The following IL1RAPL1 variants were observed in gnomAD, a reference collection of about 807,000 sequenced individuals.
IL1RAPL1 encodes interleukin-1 receptor accessory protein-like 1.
IL1RAPL1 carries 3 observed loss-of-function variants against 48.4 expected under a neutral mutation model. That is an observed-to-expected ratio of 0.06 (90% confidence interval 0.03 to 0.16). The LOEUF is 0.16. Ranked by LOEUF, IL1RAPL1 falls within the 10% of genes least tolerant of loss-of-function variation. IL1RAPL1 has a pLI of 1.00. For missense variants in IL1RAPL1, 349 were observed against 530.6 expected (o/e 0.66, Z 3.36); for synonymous variants, 185 against 187.7 (o/e 0.99, Z 0.12).
intron 6 of IL1RAPL1, among the ~76,000 whole-genome samples, chrX:29,727,395 G>A (rs1022255950): frequency 4.0e-4 from 45 of 111,920 alleles, no homozygotes; most frequent in Non-Finnish European, 5.8e-4. Flanking sequence ...ATTAAATGTG[G>A]AGGGAAAAAA....
intron 3 of IL1RAPL1, among the ~76,000 whole-genome samples, chrX:29,378,623 C>T (rs990194807): frequency 1.8e-5 from 2 of 112,173 alleles, no homozygotes; most frequent in Admixed American, 9.4e-5. Context: ...CATGGTTTCA[C>T]AGGAGGATAT....
chrX:29,129,540 A>G (rs1271373772), intron 2 of IL1RAPL1, among the ~76,000 whole-genome samples: 1 of 109,039 alleles, frequency 9.2e-6, no homozygotes, highest in East Asian at 2.8e-4. Context: ...GTATTTTTTA[A>G]CTTTTCTAAA....
intron 3 of IL1RAPL1, among the ~76,000 whole-genome samples, chrX:29,306,469 C>T (rs1424756941): frequency 2.4e-5 from 2 of 83,739 alleles, no homozygotes; most frequent in African/African-American, 9.6e-5. Flanking sequence ...GCAGAGGTTG[C>T]AGCAAGCCAA....
chrX:28,976,112 A>G (rs1451515222), intron 2 of IL1RAPL1, among the ~76,000 whole-genome samples: 1 of 112,194 alleles, frequency 8.9e-6, no homozygotes. Context: ...TATGAGTAAA[A>G]TGGGATGTGA....
intron 5 of IL1RAPL1, among the ~76,000 whole-genome samples, chrX:29,464,316 T>A (rs991808123): frequency 9.0e-6 from 1 of 111,646 alleles, no homozygotes; most frequent in African/African-American, 3.3e-5. Flanking sequence ...TGCAGGATCA[T>A]CAAGTATCAA....
chrX:29,270,912 G>A (rs1020765680), intron 2 of IL1RAPL1, among the ~76,000 whole-genome samples: 2 of 111,081 alleles, frequency 1.8e-5, no homozygotes, highest in South Asian at 7.5e-4. Flanking sequence ...TTGTTATATA[G>A]GTAAATTGCG....
intron 5 of IL1RAPL1, among the ~76,000 whole-genome samples, chrX:29,429,785 C>T (rs1427453898): frequency 1.8e-5 from 2 of 110,285 alleles, no homozygotes; most frequent in South Asian, 7.7e-4. Flanking sequence ...CTCAGAAATT[C>T]GTTGTGTAGG....
intron 5 of IL1RAPL1, among the ~76,000 whole-genome samples, chrX:29,439,851 G>GTTTTTTTTTTTTTTTTTTTTTTT (rs760458968): frequency 3.3e-5 from 2 of 59,856 alleles, no homozygotes; most frequent in Admixed American, 2.0e-4. Flanking sequence ...TGTTTGTTTG[G>GTTTTTTTTTTTTTTTTTTTTTTT]TTTTTTTTTT....
intron 1 of IL1RAPL1, among the ~76,000 whole-genome samples, chrX:28,651,828 C>T (rs1934686393): frequency 9.0e-6 from 1 of 111,543 alleles, no homozygotes; most frequent in East Asian, 2.8e-4. Flanking sequence ...AATGTAAGTA[C>T]TTTAGCACGA....
intron 5 of IL1RAPL1, among the ~76,000 whole-genome samples, chrX:29,534,335 A>G (rs1921142293): frequency 8.9e-6 from 1 of 111,836 alleles, no homozygotes; most frequent in African/African-American, 3.3e-5. Context: ...CAACAATTTG[A>G]CCAAAAGGCA....
At chrX:29,874,830 A>G (rs7058737) in intron 6 of IL1RAPL1, among the ~76,000 whole-genome samples, 7,975 of 112,212 alleles carry the variant, frequency 0.071, 698 homozygotes, top group African/African-American at 0.24. Flanking sequence ...TAGGTGCTAT[A>G]TGTATCTTCT....
chrX:29,566,426 T>A (rs1922409523), intron 5 of IL1RAPL1, among the ~76,000 whole-genome samples: 1 of 108,011 alleles, frequency 9.3e-6, no homozygotes, highest in African/African-American at 3.6e-5. Context: ...TGAAACTCCA[T>A]CTCATAAAAA....
chrX:29,832,744 A>G (rs759090985), intron 6 of IL1RAPL1, among the ~76,000 whole-genome samples: 17 of 100,110 alleles, frequency 1.7e-4, no homozygotes, highest in African/African-American at 5.9e-4. Flanking sequence ...ACACACACAC[A>G]CTGAACACAC....
intron 6 of IL1RAPL1, among the ~76,000 whole-genome samples, chrX:29,882,491 T>C (rs1273732614): frequency 2.7e-5 from 3 of 111,707 alleles, no homozygotes; most frequent in Non-Finnish European, 5.7e-5. Flanking sequence ...ACATCAAATG[T>C]CAACAGTCAT....
rs1048833430 is a variant in IL1RAPL1 at position 29,658,492 on chromosome X, CAT to C, written c.704-9937_704-9936del. The stretch of plus-strand genomic sequence containing the variant: ...GCAACGAAATGTAAATTCCGTAACT[CAT>C]GTGTTAGGACACTACTTCATAATAA... On this transcript the variant is annotated intron_variant, in intron 5 of 10. Transcript: ENST00000378993. 5.4e-5 allele frequency among the ~76,000 whole-genome samples: 6 copies of C among 112,046 alleles called. No homozygotes were observed. In the Admixed American group the frequency reaches 5.7e-4, roughly 11 times the overall value.
chrX:29,882,032 G>A (rs1932043096), intron 6 of IL1RAPL1, among the ~76,000 whole-genome samples: 1 of 111,629 alleles, frequency 9.0e-6, no homozygotes, highest in Admixed American at 9.5e-5. Context: ...ATGTGTGTAT[G>A]TGTGTGTGTA....
intron 6 of IL1RAPL1, among the ~76,000 whole-genome samples, chrX:29,675,651 C>T (rs1185039519): frequency 2.7e-5 from 3 of 111,469 alleles, no homozygotes; most frequent in East Asian, 2.8e-4. Flanking sequence ...AGTGCAGTGG[C>T]GCCATCTCGG....
chrX:29,886,714 A>T lies in IL1RAPL1; in HGVS notation c.779-30750A>T, dbSNP rs747082939. ...AATTTTTCATAATTACCATTCACAG[A>T]ATACAATTTAGATAGAAATAAGAGC... On this transcript the variant is annotated intron_variant, in intron 6 of 10. Coordinates refer to ENST00000378993, the MANE Select transcript of IL1RAPL1 (RefSeq NM_014271.4). Among the ~76,000 whole-genome samples the T allele has an allele frequency of 4.5e-5, 5 of 112,279 alleles. No homozygotes were observed. The South Asian group carries it at 1.8e-3, about 42-fold the overall frequency.
Position 29,604,563 on chromosome X carries a change from C to T in IL1RAPL1, c.704-63867C>T, listed in dbSNP as rs993611122. Among the ~76,000 whole-genome samples the T allele has an allele frequency of 1.5e-4, 17 of 111,233 alleles. No individual in the cohort carries two copies. The East Asian group carries it at 4.0e-3, about 26-fold the overall frequency. On this transcript the variant is annotated intron_variant, in intron 5 of 10. Coordinates refer to ENST00000378993, the MANE Select transcript of IL1RAPL1 (RefSeq NM_014271.4). Reference sequence around the variant, plus strand: ...AAGCGATTTGCCTGCCACAGCCTTCCGAGTAGCTGGGATTACAGACGTGAG... The same window carrying T: ...AAGCGATTTGCCTGCCACAGCCTTCTGAGTAGCTGGGATTACAGACGTGAG...
Sources: allele counts gnomAD v4.1 joint callset (sites outside exome capture counted in the v4.1 genomes callset), GRCh38; gene constraint gnomAD v4.1.1; transcripts MANE v1.5; gene names NCBI Gene and HGNC (gene_info 2026-07-23, HGNC 2026-07-21).